FIBCD1: variants seen among roughly 807,000 people sequenced by gnomAD.
The protein encoded by FIBCD1 is fibrinogen C domain-containing protein 1.
A neutral mutation model predicts 45.1 loss-of-function variants in FIBCD1; 47 were observed. That is an observed-to-expected ratio of 1.04 (90% confidence interval 0.82 to 1.33). The LOEUF (loss-of-function observed/expected upper bound fraction) is 1.33, where lower values mean the gene tolerates loss of function less well. FIBCD1 is among the 40% of genes most tolerant of loss of function. The pLI, the probability that FIBCD1 is intolerant of heterozygous loss-of-function variation, is 0.00. For missense variants in FIBCD1, 653 were observed against 682.2 expected, an observed-to-expected ratio of 0.96 and a Z score of 0.48; for synonymous variants, 313 against 308.1, an observed-to-expected ratio of 1.02 and a Z score of -0.17.
At chr9:130,933,727 T>TGGGGGGAGGGGGGGGGGGGGG (rs1832476144) in intron 1 of FIBCD1, 3 of 51,450 alleles carry the variant, frequency 5.8e-5, no homozygotes, top group Non-Finnish European at 1.0e-4. Flanking sequence ...GGCGGGCGGG[T>TGGGGGGAGGGGGGGGGGGGGG]GGGGGGGGGG....
chr9:130,931,276 G>C lies in FIBCD1; in HGVS notation c.73-1230C>G, dbSNP rs1487557621. ...CTGTAAGCCCAGCACTTGGGAGGCC[G>C]AGGCGGGCAGATCACAAGGTCAGGA... is the stretch of plus-strand genomic sequence containing the variant. On this transcript the variant is annotated intron_variant, in intron 1 of 6. Coordinates refer to ENST00000372338, the MANE Select transcript of FIBCD1 (RefSeq NM_032843.5). Among the ~76,000 whole-genome samples, 3 of 152,338 alleles carry C rather than the reference G, an allele frequency of 2.0e-5. No homozygotes were observed. The East Asian group carries it at 5.8e-4, about 29-fold the overall frequency.
chr9:130,931,167 G>T (rs1470734405), intron 1 of FIBCD1, among the ~76,000 whole-genome samples: 6 of 152,296 alleles, frequency 3.9e-5, no homozygotes, highest in South Asian at 4.1e-4. Flanking sequence ...CAAGGAGGAG[G>T]GGGGCTGAGG....
In FIBCD1 at chr9:130,926,602, C is replaced by T. The variant is rs1832366162; in HGVS notation, c.553-2206G>A. Among the ~76,000 whole-genome samples the T allele has an allele frequency of 1.3e-5, 2 of 152,042 alleles. No homozygotes were observed. The highest frequency in any genetic ancestry group is 2.9e-5 in the Non-Finnish European group (2 of 68,006). On this transcript the variant is annotated intron_variant, in intron 2 of 6. Transcript: ENST00000372338. The surrounding 1 kb of genome is among the most constrained non-coding windows in gnomAD (Gnocchi z 4.1). ...TGGGAGGCCAAGTTGGGTGGATCAC[C>T]TAAGGTCAGGAGTTTGAGACCAGCC...
chr9:130,922,668 G>A lies in FIBCD1; in HGVS notation c.849+1076C>T, dbSNP rs946959749. Among the ~76,000 whole-genome samples, 5 of 152,026 alleles carry A rather than the reference G, an allele frequency of 3.3e-5. No homozygotes were observed. Among genetic ancestry groups the A allele is most frequent in the Non-Finnish European group, 5.9e-5 (4 of 67,992 alleles). ...ACTGCCCAAGGATGCACACCGCCAA[G>A]TCACCTCTCCTGAAGCACAGTCCCC... is the stretch of plus-strand genomic sequence containing the variant. On this transcript the variant is annotated intron_variant, in intron 4 of 6. Transcript: ENST00000372338. The surrounding 1 kb of genome is among the most constrained non-coding windows in gnomAD (Gnocchi z 4.5).
chr9:130,911,129 G>A (rs1205119095), intron 5 of FIBCD1, among the ~76,000 whole-genome samples: 1 of 152,220 alleles, frequency 6.6e-6, no homozygotes, highest in East Asian at 1.9e-4. Context: ...TCACTCTTTG[G>A]GTCCACGCTG....
Position 130,929,840 on chromosome 9 carries a change from G to A in FIBCD1, c.279C>T (p.Leu93=), listed in dbSNP as rs1440397018. 1.9e-6 allele frequency: 3 copies of A among 1,549,720 alleles called. No homozygotes were observed. In the African/African-American group the frequency reaches 4.1e-5, roughly 21 times the overall value. The change falls in exon 2 of 7, where the codon CTC becomes CTT. Residue 93 remains leucine (L), a synonymous_variant. Coordinates refer to ENST00000372338, the MANE Select transcript of FIBCD1 (RefSeq NM_032843.5). ...ERADSSHLSI[L]IDPRCPDLTD... ...TGAGGTCGGGGCAGCGCGGGTCAAT[G>A]AGGATGCTGAGGTGCGAGCTGTCCG...
intron 1 of FIBCD1, among the ~76,000 whole-genome samples, chr9:130,937,642 G>A (rs1183412321): frequency 6.6e-6 from 1 of 152,102 alleles, no homozygotes; most frequent in African/African-American, 2.4e-5. Flanking sequence ...TTTAAAATGG[G>A]CAGCCCTATT....
At chr9:130,911,939 C>A in intron 4 of FIBCD1, 51 bp from the exon 5 acceptor site, 2 of 1,506,654 alleles carry the variant, frequency 1.3e-6, no homozygotes, top group South Asian at 1.2e-5. Context: ...TCCCAGGACT[C>A]GCAGCCCACC....
At position 130,926,403 on chromosome 9, in the gene FIBCD1, G is replaced by A. The variant is rs1832360540; in HGVS notation, c.553-2007C>T. Reference sequence around the variant, plus strand: ...TTGCCGAGCTGCAGAGGCGCATCAGGGGAGGGCTGGACAGCGCTTAGCGGT... The same window carrying A: ...TTGCCGAGCTGCAGAGGCGCATCAGAGGAGGGCTGGACAGCGCTTAGCGGT... On this transcript the variant is annotated intron_variant, in intron 2 of 6. Transcript: ENST00000372338. The surrounding 1 kb of genome is among the most constrained non-coding windows in gnomAD (Gnocchi z 4.1). 6.6e-6 allele frequency among the ~76,000 whole-genome samples: 1 copy of A among 152,248 alleles called. No individual in the cohort carries two copies.
intron 5 of FIBCD1, among the ~76,000 whole-genome samples, chr9:130,908,930 C>G (rs1300037890): frequency 6.6e-6 from 1 of 152,102 alleles, no homozygotes; most frequent in Non-Finnish European, 1.5e-5. Context: ...CCTCACCACC[C>G]CAACCCTGCC....
rs762176665 is a variant in FIBCD1 at position 130,926,194 on chromosome 9, A to G, written c.553-1798T>C. On this transcript the variant is annotated intron_variant, in intron 2 of 6. Coordinates refer to ENST00000372338, the MANE Select transcript of FIBCD1 (RefSeq NM_032843.5). The surrounding 1 kb of genome is among the most constrained non-coding windows in gnomAD (Gnocchi z 4.1). ...TGTGTGCGGCAAACATCACTTGGTT[A>G]AGTCACACTGGTACTGCCCATTTAT... Among the ~76,000 whole-genome samples, 2 of 152,206 alleles carry G rather than the reference A, an allele frequency of 1.3e-5. No individual in the cohort carries two copies. The highest frequency in any genetic ancestry group is 2.9e-5 in the Non-Finnish European group (2 of 68,040).
rs531088851 is a variant in FIBCD1 at position 130,938,505 on chromosome 9, C to T, written c.72+31G>A. On this transcript the variant is annotated intron_variant, in intron 1 of 6. Transcript: ENST00000372338. ...GAGCGGCCACCGCCTGGCCAGCCGCCCAGGCCCCGTGTCCCAGCGCCCGAG... is the reference window on the plus strand; with the variant it reads ...GAGCGGCCACCGCCTGGCCAGCCGCTCAGGCCCCGTGTCCCAGCGCCCGAG... The T allele has an allele frequency of 2.1e-4, 311 of 1,475,146 alleles. 5 individuals are homozygous for T. In the South Asian group the frequency reaches 3.9e-3, roughly 18 times the overall value. 91.4% of individuals were successfully genotyped at this position (1,475,146 alleles called of 1,614,324 possible).
At chr9:130,911,933 A>G in intron 4 of FIBCD1, 45 bp from the exon 5 acceptor site, 1 of 1,524,832 alleles carries the variant, frequency 6.6e-7, no homozygotes, top group East Asian at 2.5e-5. Context: ...CGACCATCCC[A>G]GGACTCGCAG....
At chr9:130,904,735 T>G (rs985605003) in intron 6 of FIBCD1, among the ~76,000 whole-genome samples, 10 of 152,302 alleles carry the variant, frequency 6.6e-5, no homozygotes, top group East Asian at 1.9e-4. Flanking sequence ...TGGGCTCAGT[T>G]TCTTTATCTG....
chr9:130,924,270 C>A lies in FIBCD1; in HGVS notation c.679G>T (p.Ala227Ser), dbSNP rs371842088. 1 of 1,600,846 alleles carries A rather than the reference C, an allele frequency of 6.2e-7. No individual in the cohort carries two copies. Among genetic ancestry groups the A allele is most frequent in the Non-Finnish European group, 8.5e-7 (1 of 1,175,312 alleles). Residue 227 changes from alanine to serine, a missense_variant, in exon 3 of 7, where the codon GCC becomes TCC. Transcript: ENST00000372338. ...CAGCCCCGGGGCCGGGTTCCCCGGG[C>A]AGGCGCTCTCTGAAGGTCGGCCTTG... is the stretch of plus-strand genomic sequence containing the variant. Reference protein sequence around the residue: ...RNKADLQRAPARGTRPRGCAT... With the variant: ...RNKADLQRAPSRGTRPRGCAT...
chr9:130,908,262 C>A (rs967880110), intron 5 of FIBCD1, among the ~76,000 whole-genome samples: 1 of 152,172 alleles, frequency 6.6e-6, no homozygotes, highest in Non-Finnish European at 1.5e-5. Flanking sequence ...GAGGGACTGG[C>A]GCTGTTGACA....
chr9:130,912,262 C>T lies in FIBCD1; in HGVS notation c.850-374G>A, dbSNP rs185454364. Among the ~76,000 whole-genome samples the T allele has an allele frequency of 1.3e-3, 199 of 151,936 alleles. 2 individuals are homozygous for T. Among genetic ancestry groups the T allele is most frequent in the African/African-American group, 4.6e-3 (190 of 41,426 alleles). On this transcript the variant is annotated intron_variant, in intron 4 of 6. Transcript: ENST00000372338. ...CTTTACAAAAAATTTAAAAATTAGC[C>T]AGGTGTGATGGTGGATGCCTGTAAT...
intron 1 of FIBCD1, among the ~76,000 whole-genome samples, chr9:130,931,436 G>A (rs1832446790): frequency 6.6e-6 from 1 of 152,228 alleles, no homozygotes; most frequent in Non-Finnish European, 1.5e-5. Flanking sequence ...TTGAACTTGG[G>A]AGGTGGAGGT....
chr9:130,911,431 T>A (rs913688853), intron 5 of FIBCD1, among the ~76,000 whole-genome samples: 2 of 152,030 alleles, frequency 1.3e-5, no homozygotes, highest in Non-Finnish European at 2.9e-5. Flanking sequence ...TGGGGCCGGG[T>A]CCTCCTCTGT....
Sources: gnomAD v4.1 joint callset for allele counts (sites outside exome capture counted in the v4.1 genomes callset) on GRCh38, gnomAD v4.1.1 for gene constraint, Gnocchi (gnomAD v3.1) non-coding constraint, MANE v1.5 for transcripts, NCBI Gene and HGNC (gene_info 2026-07-23, HGNC 2026-07-21) for gene names.